PPP2R5C: variants seen among roughly 807,000 people sequenced by gnomAD.
The protein encoded by PPP2R5C is serine/threonine-protein phosphatase 2A 56 kDa regulatory subunit gamma isoform.
A neutral mutation model predicts 68.9 loss-of-function variants in PPP2R5C; 7 were observed. The observed-to-expected ratio is 0.10, with a 90% CI of 0.06 to 0.19. PPP2R5C has a LOEUF of 0.19. Ranked by LOEUF, PPP2R5C falls within the 10% of genes least tolerant of loss-of-function variation. The pLI is 1.00. For synonymous variants in PPP2R5C, 210 were observed against 222.2 expected, an observed-to-expected ratio of 0.95 and a Z score of 0.49; for missense variants, 348 against 641.3, an observed-to-expected ratio of 0.54 and a Z score of 4.94.
At chr14:101,908,841 A>G (rs1352670332) in intron 10 of PPP2R5C, among the ~76,000 whole-genome samples, 1 of 152,186 alleles carries the variant, frequency 6.6e-6, no homozygotes, top group East Asian at 1.9e-4. Flanking sequence ...GTGTTTTCTA[A>G]GTACAACTTG....
In PPP2R5C at chr14:101,764,030, G is replaced by GTGTGTGTGTGTGTGT. The variant is rs1462659583; in HGVS notation, c.93+1060_93+1061insTGTGTGTGTGTGTGT. Among the ~76,000 whole-genome samples, 497 of 146,192 alleles carry GTGTGTGTGTGTGTGT rather than the reference G, an allele frequency of 3.4e-3. 3 individuals carry two copies. The highest frequency in any genetic ancestry group is 0.012 in the African/African-American group (474 of 39,360). ...GTGTGTGTGTGTGTGTGTGTGTGTG[G>GTGTGTGTGTGTGTGT]GCGCGCGCACTTGCGCGTCGGCCAC... On this transcript the variant is annotated intron_variant, in intron 2 of 14. Transcript: ENST00000328724.
chr14:101,792,121 T>A (rs189248625), intron 3 of PPP2R5C, among the ~76,000 whole-genome samples: 3 of 152,288 alleles, frequency 2.0e-5, no homozygotes, highest in African/African-American at 7.2e-5. Context: ...ATGGAAACCT[T>A]TTTTGGCTGA....
chr14:101,923,541 C>G (rs961605019), intron 13 of PPP2R5C, among the ~76,000 whole-genome samples: 1 of 152,208 alleles, frequency 6.6e-6, no homozygotes, highest in African/African-American at 2.4e-5. Context: ...CACGCTCTTA[C>G]AAGTACCGTG....
chr14:101,792,961 T>G (rs1334658528), intron 3 of PPP2R5C, among the ~76,000 whole-genome samples: 1 of 151,878 alleles, frequency 6.6e-6, no homozygotes, highest in Non-Finnish European at 1.5e-5. Context: ...CCCTGCAGCC[T>G]CCGCCTCCCA....
At position 101,877,632 on chromosome 14, in the gene PPP2R5C, G is replaced by T. The variant is rs1422148791; in HGVS notation, c.295-4529G>T. ...TACCTGGGGCTCCTGCCCCTGATTCGCCCCTGCAGCTTTTGTGTTAAGAAA... is the reference window on the plus strand; with the variant it reads ...TACCTGGGGCTCCTGCCCCTGATTCTCCCCTGCAGCTTTTGTGTTAAGAAA... On this transcript the variant is annotated intron_variant, in intron 2 of 13. Transcript: ENST00000334743. This position sits in a 1 kb window ranked among gnomAD's most constrained non-coding sequence, Gnocchi z 4.2. Among the ~76,000 whole-genome samples the T allele has an allele frequency of 1.3e-5, 2 of 152,058 alleles. No homozygotes were observed. Among genetic ancestry groups the T allele is most frequent in the African/African-American group, 4.8e-5 (2 of 41,380 alleles).
intron 10 of PPP2R5C, among the ~76,000 whole-genome samples, chr14:101,907,197 G>T (rs2046078902): frequency 6.6e-6 from 1 of 151,904 alleles, no homozygotes. Context: ...TTTAGACAGG[G>T]TCTTGCTATG....
chr14:101,814,459 A>G (rs1434699208), intron 1 of PPP2R5C, among the ~76,000 whole-genome samples: 3 of 152,330 alleles, frequency 2.0e-5, no homozygotes, highest in African/African-American at 7.2e-5. Flanking sequence ...TAAAGTCTGT[A>G]CACCTTTTTG....
chr14:101,784,596 GC>G (rs1461023121), intron 2 of PPP2R5C, among the ~76,000 whole-genome samples: 1 of 152,062 alleles, frequency 6.6e-6, no homozygotes, highest in African/African-American at 2.4e-5. Context: ...GGGGGAAACT[GC>G]CCCCACAATC....
At chr14:101,911,464 T>G (rs2046387102) in intron 11 of PPP2R5C, among the ~76,000 whole-genome samples, 1 of 152,222 alleles carries the variant, frequency 6.6e-6, no homozygotes, top group Non-Finnish European at 1.5e-5. Flanking sequence ...CAGCTCTCAG[T>G]GCAGTTCGCA....
At chr14:101,770,441 T>A (rs1235886897) in intron 2 of PPP2R5C, among the ~76,000 whole-genome samples, 9 of 152,158 alleles carry the variant, frequency 5.9e-5, no homozygotes, top group Admixed American at 5.9e-4. Flanking sequence ...CTCAGTTAGA[T>A]CTTATTGTCC....
intron 2 of PPP2R5C, among the ~76,000 whole-genome samples, chr14:101,771,035 A>G (rs1482490869): frequency 6.6e-6 from 1 of 152,218 alleles, no homozygotes; most frequent in African/African-American, 2.4e-5. Context: ...CGTTCCTATC[A>G]GTATGTTGTT....
At chr14:101,833,410 A>G (rs1196757343) in intron 1 of PPP2R5C, 2 of 152,200 alleles carry the variant, frequency 1.3e-5, no homozygotes, top group Non-Finnish European at 2.9e-5. Flanking sequence ...AAAGATTCCT[A>G]GACTCTCCAA....
chr14:101,912,591 A>G (rs1023745236), intron 12 of PPP2R5C, 118 bp downstream of exon 14: 2 of 1,361,194 alleles, frequency 1.5e-6, no homozygotes, highest in African/African-American at 3.0e-5. Flanking sequence ...GTATATGAAA[A>G]TGTCTGCAAT....
intron 1 of PPP2R5C, among the ~76,000 whole-genome samples, chr14:101,844,686 G>A (rs1423996095): frequency 6.6e-6 from 1 of 152,180 alleles, no homozygotes; most frequent in Non-Finnish European, 1.5e-5. Flanking sequence ...TGTATTTTCA[G>A]TGTATCTTTT....
intron 1 of PPP2R5C, among the ~76,000 whole-genome samples, chr14:101,811,257 C>A (rs962380089): frequency 6.6e-6 from 1 of 152,140 alleles, no homozygotes; most frequent in African/African-American, 2.4e-5. Flanking sequence ...CAAAGGTTGC[C>A]TACAGGTAAC....
chr14:101,853,731 T>C (rs1249478435), intron 1 of PPP2R5C, among the ~76,000 whole-genome samples: 1 of 152,164 alleles, frequency 6.6e-6, no homozygotes. Flanking sequence ...CTGTGTTGGC[T>C]CTCGTACCTG....
chr14:101,779,605 C>T (rs2037577554), intron 2 of PPP2R5C, among the ~76,000 whole-genome samples: 1 of 152,084 alleles, frequency 6.6e-6, no homozygotes, highest in African/African-American at 2.4e-5. Context: ...AGAGACTCAT[C>T]TCTCCCATAC....
At chr14:101,926,358 A>G (rs1009557117) in exon 14 of PPP2R5C, 1 of 152,702 alleles carries the variant, frequency 6.5e-6, no homozygotes, top group Non-Finnish European at 1.5e-5. Context: ...TTCTGTTGAA[A>G]AGAGCTCACG....
chr14:101,875,223 C>A (rs1016174426), intron 2 of PPP2R5C, among the ~76,000 whole-genome samples: 1 of 152,092 alleles, frequency 6.6e-6, no homozygotes, highest in African/African-American at 2.4e-5. Flanking sequence ...GTGGAGGAAG[C>A]GCGAGGTAGA....
Sources: gnomAD v4.1 joint callset for allele counts (sites outside exome capture counted in the v4.1 genomes callset) on GRCh38, gnomAD v4.1.1 for gene constraint, Gnocchi (gnomAD v3.1) non-coding constraint, MANE v1.5 for transcripts, NCBI Gene and HGNC (gene_info 2026-07-23, HGNC 2026-07-21) for gene names.